The following DST variants were observed in gnomAD, a reference collection of about 807,000 sequenced individuals.
DST encodes dystonin, also known as bullous pemphigoid antigen.
In DST, 253 loss-of-function variants were observed where a neutral mutation model predicts 875.2. The observed-to-expected ratio is 0.29, with a 90% CI of 0.26 to 0.32. DST has a LOEUF of 0.32. Ranked by LOEUF, DST falls within the 10% of genes least tolerant of loss-of-function variation. The pLI is 1.00. For missense variants in DST, 8,287 were observed against 9,111.6 expected (o/e 0.91, Z 3.68); for synonymous variants, 3,124 against 3,197.1 (o/e 0.98, Z 0.77).
chr6:56,871,597 T>C, intron 3 of DST: 1 of 810,856 alleles, frequency 1.2e-6, no homozygotes, highest in Non-Finnish European at 2.2e-6. Context: ...CATGGTTGGA[T>C]TAACCCATAC....
rs747753620 is a variant in DST at position 56,485,505 on chromosome 6, A to G, written c.21048-34T>C. On this transcript the variant is annotated intron_variant, in intron 87 of 103. Transcript: ENST00000680361. ...AAAGGTAGAAAAATTGATCCTTGCA[A>G]CAAAAAACGTCACTCATATATCTGA... The G allele has an allele frequency of 3.6e-5, 58 of 1,596,550 alleles. No homozygotes were observed. The Admixed American group carries it at 8.3e-4, about 23-fold the overall frequency.
chr6:56,786,320 C>T (rs780809030), intron 4 of DST, among the ~76,000 whole-genome samples: 6 of 152,166 alleles, frequency 3.9e-5, no homozygotes, highest in Non-Finnish European at 7.4e-5. Flanking sequence ...TGTGTTTGTT[C>T]TATTAGCAGA....
In DST at chr6:56,594,209, T is replaced by G; in HGVS notation, c.12196-16A>C. On this transcript the variant is annotated splice_polypyrimidine_tract_variant and intron_variant, in intron 47 of 103. Coordinates refer to ENST00000680361, the MANE Select transcript of DST (RefSeq NM_001374736.1). ...CGTGTTGGGCCTATGTGAAAACAAA[T>G]TGATCATAATCTTCAAGCAGTAACG... 15 of 1,504,976 alleles carry G rather than the reference T, an allele frequency of 1.0e-5. No homozygotes were observed. Among genetic ancestry groups the G allele is most frequent in the Non-Finnish European group, 1.2e-5 (14 of 1,134,690 alleles). The allele number at this position is 1,504,976 out of a possible 1,614,324, so 93.2% of individuals were successfully genotyped here.
At chr6:56,811,731 T>C (rs1415714310) in intron 4 of DST, among the ~76,000 whole-genome samples, 1 of 152,158 alleles carries the variant, frequency 6.6e-6, no homozygotes, top group Non-Finnish European at 1.5e-5. Context: ...TCAAGACCAC[T>C]TTGAAAACAA....
intron 2 of DST, among the ~76,000 whole-genome samples, chr6:56,948,337 GC>G (rs1204761543): frequency 6.6e-6 from 1 of 152,152 alleles, no homozygotes; most frequent in Non-Finnish European, 1.5e-5. Flanking sequence ...GCACTATGGG[GC>G]CATTATTAAG....
chr6:56,899,474 A>G (rs1191052675), intron 3 of DST, among the ~76,000 whole-genome samples: 1 of 152,102 alleles, frequency 6.6e-6, no homozygotes, highest in Non-Finnish European at 1.5e-5. Context: ...CAGTCTCCAC[A>G]TGTGCCTGCC....
At chr6:56,569,733 A>G (rs1379358127) in intron 54 of DST, 123 bp downstream of exon 54, 2 of 727,660 alleles carry the variant, frequency 2.7e-6, no homozygotes, top group Non-Finnish European at 4.1e-6. Flanking sequence ...GGTCAACAAA[A>G]TATACAGTAC....
At chr6:56,730,900 A>T (rs532455982) in intron 5 of DST, among the ~76,000 whole-genome samples, 17 of 152,336 alleles carry the variant, frequency 1.1e-4, no homozygotes, top group African/African-American at 3.8e-4. Flanking sequence ...AAATTTAAAT[A>T]CATCTGGAAA....
chr6:56,841,378 A>G (rs547659008), intron 4 of DST, among the ~76,000 whole-genome samples: 180 of 152,346 alleles, frequency 1.2e-3, no homozygotes, highest in African/African-American at 4.1e-3. Flanking sequence ...AAAATGAGGA[A>G]AACTCCCATC....
In DST at chr6:56,640,537, C is replaced by A; in HGVS notation, c.2096G>T (p.Arg699Leu). ...NECSSVYSKG[R>L]ILTTEQTKLM... ...CTTTGTCTGTTCTGTTGTCAGTATG[C>A]GTCCTTTGCTGTACACAGAAGAACA... The change falls in exon 18 of 104, where the codon CGC (arginine) becomes CTC (leucine). Residue 699 changes from arginine (R) to leucine (L), a missense_variant. By Grantham distance (102) the Arg-to-Leu change is moderately radical. This residue lies in a region of DST where 1,160 missense variants were observed against 1,424.3 expected (regional missense o/e 0.81). Coordinates refer to ENST00000680361, the MANE Select transcript of DST (RefSeq NM_001374736.1). 6.2e-7 allele frequency: 1 copy of A among 1,614,156 alleles called. No individual in the cohort carries two copies. The highest frequency in any genetic ancestry group is 8.5e-7 in the Non-Finnish European group (1 of 1,180,012).
At chr6:56,876,570 A>G (rs1366919201) in intron 3 of DST, among the ~76,000 whole-genome samples, 2 of 152,158 alleles carry the variant, frequency 1.3e-5, no homozygotes, top group African/African-American at 2.4e-5. Context: ...CTTGACATCA[A>G]TATCCCAGCT....
At chr6:56,618,695 A>T (rs544350653) in intron 36 of DST, 1 of 1,613,828 alleles carries the variant, frequency 6.2e-7, no homozygotes, top group East Asian at 2.2e-5. Context: ...TTGAAGAGAC[A>T]CAAAGTCAAG....
intron 9 of DST, among the ~76,000 whole-genome samples, chr6:56,678,550 T>C (rs144515495): frequency 6.2e-4 from 95 of 152,296 alleles, no homozygotes; most frequent in African/African-American, 2.2e-3. Context: ...ATTATTATAA[T>C]ATGTATATTT....
At chr6:56,541,402 T>C (rs986307835) in intron 61 of DST, 4 of 152,648 alleles carry the variant, frequency 2.6e-5, no homozygotes, top group South Asian at 2.1e-4. Context: ...GCCTGGAAGA[T>C]AGACTACCTT....
At chr6:56,789,221 C>A (rs1411069775) in intron 4 of DST, among the ~76,000 whole-genome samples, 2 of 152,046 alleles carry the variant, frequency 1.3e-5, no homozygotes, top group African/African-American at 4.8e-5. Context: ...TGTATCCTCA[C>A]TACGTAGGAG....
intron 32 of DST, among the ~76,000 whole-genome samples, chr6:56,628,655 A>G (rs919514420): frequency 2.6e-5 from 4 of 152,218 alleles, no homozygotes; most frequent in Non-Finnish European, 5.9e-5. Context: ...TACAGAGATA[A>G]CACATATTTG....
intron 49 of DST, among the ~76,000 whole-genome samples, chr6:56,589,696 G>A (rs755517622): frequency 2.6e-5 from 4 of 152,180 alleles, no homozygotes; most frequent in Non-Finnish European, 5.9e-5. Context: ...CACCTCTTAT[G>A]GGGCTAAAAT....
At chr6:56,777,671 A>G (rs1439430640) in intron 4 of DST, among the ~76,000 whole-genome samples, 3 of 152,094 alleles carry the variant, frequency 2.0e-5, no homozygotes, top group Non-Finnish European at 4.4e-5. Context: ...TATGAAGTGA[A>G]TCATTAGAAA....
chr6:56,553,404 C>A lies in DST; in HGVS notation c.15388G>T (p.Gly5130Trp). The A allele has an allele frequency of 6.2e-7, 1 of 1,601,484 alleles. No homozygotes were observed. The highest frequency in any genetic ancestry group is 8.5e-7 in the Non-Finnish European group (1 of 1,175,390). Residue 5130 changes from glycine (G) to tryptophan (W), a missense_variant, in exon 61 of 104, where the codon GGG becomes TGG. Physicochemically the swap from Gly to Trp is radical, Grantham distance 184 (BLOSUM62 -2). Around this residue, in one of 10 missense-constraint regions of DST, gnomAD observed 1,513 missense variants for 1,677.8 expected, o/e 0.90. Coordinates refer to ENST00000680361, the MANE Select transcript of DST (RefSeq NM_001374736.1). ...EGENLLLKTQ[G>W]SEKAALQLQL... Reference sequence around the variant, plus strand: ...AACTGTAAGGCTGCCTTCTCAGACCCTTGTGTTTTTAATAACAGATTTTCA... The same window carrying A: ...AACTGTAAGGCTGCCTTCTCAGACCATTGTGTTTTTAATAACAGATTTTCA...
Sources: gnomAD v4.1 joint callset for allele counts (sites outside exome capture counted in the v4.1 genomes callset) on GRCh38, gnomAD v4.1.1 for gene constraint, gnomAD v4.1.1 regional missense constraint, MANE v1.5 for transcripts, NCBI Gene and HGNC (gene_info 2026-07-23, HGNC 2026-07-21) for gene names.